The following HCN1 variants were observed in gnomAD, a reference collection of about 807,000 sequenced individuals.
The protein encoded by HCN1 is potassium/sodium hyperpolarization-activated cyclic nucleotide-gated channel 1.
HCN1 carries 13 observed loss-of-function variants against 78.9 expected under a neutral mutation model. The observed-to-expected ratio is 0.16, with a 90% CI of 0.11 to 0.26. The LOEUF (loss-of-function observed/expected upper bound fraction) is 0.26. Ranked by LOEUF, HCN1 falls within the 10% of genes least tolerant of loss-of-function variation. HCN1 has a pLI of 1.00. For missense variants in HCN1, 810 were observed against 1,154.3 expected (o/e 0.70, Z 4.32); for synonymous variants, 552 against 455.5 (o/e 1.21, Z -2.70).
chr5:45,505,316 A>T (rs934299234), intron 2 of HCN1, among the ~76,000 whole-genome samples: 48 of 152,194 alleles, frequency 3.2e-4, no homozygotes, highest in Non-Finnish European at 5.0e-4. Flanking sequence ...AGCTTTCTAC[A>T]TATGGCTAGC....
intron 4 of HCN1, among the ~76,000 whole-genome samples, chr5:45,384,420 CA>C (rs1188578851): frequency 6.6e-6 from 1 of 152,038 alleles, no homozygotes; most frequent in Admixed American, 6.6e-5. Context: ...TCATGAAAAT[CA>C]ATTTTCTAAA....
rs1263325318 is a variant in HCN1 at position 45,556,864 on chromosome 5, T to C, written c.849+88321A>G. Among the ~76,000 whole-genome samples the C allele has an allele frequency of 3.3e-5, 5 of 151,990 alleles. No homozygotes were observed. In the East Asian group the frequency reaches 9.7e-4, roughly 29 times the overall value. ...TATTCTCCTAGTGCAGTTCCCTCCC[T>C]GAATTGCCAACAGAAAGATGGAGTT... On this transcript the variant is annotated intron_variant, in intron 2 of 7. Coordinates refer to ENST00000303230, the MANE Select transcript of HCN1 (RefSeq NM_021072.4).
chr5:45,527,571 G>C (rs1272308311), intron 2 of HCN1, among the ~76,000 whole-genome samples: 1 of 142,230 alleles, frequency 7.0e-6, no homozygotes, highest in African/African-American at 2.6e-5. Flanking sequence ...CTCTCTCTCT[G>C]TCTCTCTCCC....
At chr5:45,336,081 A>T (rs759236622) in intron 5 of HCN1, among the ~76,000 whole-genome samples, 26 of 152,052 alleles carry the variant, frequency 1.7e-4, no homozygotes, top group Non-Finnish European at 2.9e-4. Flanking sequence ...ATTTCTCAGC[A>T]GCCAGGGGCA....
chr5:45,414,145 A>C (rs140583036), intron 3 of HCN1, among the ~76,000 whole-genome samples: 3 of 152,036 alleles, frequency 2.0e-5, no homozygotes, highest in Admixed American at 2.0e-4. Context: ...TGAAGGCATC[A>C]CAGGGACTCT....
intron 2 of HCN1, among the ~76,000 whole-genome samples, chr5:45,630,063 G>C (rs952583298): frequency 7.2e-5 from 11 of 152,126 alleles, no homozygotes; most frequent in African/African-American, 2.7e-4. Flanking sequence ...ACCTAAAAGA[G>C]TGTCTATCAG....
chr5:45,578,207 A>C (rs553961481), intron 2 of HCN1, among the ~76,000 whole-genome samples: 9 of 152,122 alleles, frequency 5.9e-5, no homozygotes, highest in African/African-American at 2.2e-4. Context: ...ATTGGGGTCT[A>C]ATGGAAGGCC....
At chr5:45,497,550 G>A (rs1742071357) in intron 2 of HCN1, among the ~76,000 whole-genome samples, 3 of 152,000 alleles carry the variant, frequency 2.0e-5, no homozygotes, top group Admixed American at 2.0e-4. Flanking sequence ...TTTTCCATTG[G>A]CTTGGTAGAC....
At chr5:45,645,975 T>C (rs964413320) in intron 1 of HCN1, among the ~76,000 whole-genome samples, 1 of 152,066 alleles carries the variant, frequency 6.6e-6, no homozygotes, top group Non-Finnish European at 1.5e-5. Flanking sequence ...AGAAGATCTG[T>C]AAGAAAGCCT....
intron 6 of HCN1, among the ~76,000 whole-genome samples, chr5:45,284,570 T>A (rs1427919209): frequency 6.6e-6 from 1 of 152,146 alleles, no homozygotes; most frequent in East Asian, 1.9e-4. Flanking sequence ...TCTAACTATG[T>A]CAATCCTCTT....
chr5:45,617,607 T>C (rs1269606312), intron 2 of HCN1, among the ~76,000 whole-genome samples: 1 of 152,146 alleles, frequency 6.6e-6, no homozygotes, highest in African/African-American at 2.4e-5. Flanking sequence ...AATGGTATGG[T>C]GAACTCTAGA....
chr5:45,536,426 T>C, intron 2 of HCN1, among the ~76,000 whole-genome samples: 1 of 152,228 alleles, frequency 6.6e-6, no homozygotes. Flanking sequence ...CTCAACTGAC[T>C]TTATTTCCTG....
chr5:45,421,157 G>A (rs897813030), intron 3 of HCN1, among the ~76,000 whole-genome samples: 20 of 151,924 alleles, frequency 1.3e-4, no homozygotes, highest in African/African-American at 4.4e-4. Flanking sequence ...CTGCCTCCTG[G>A]GTTCACACCA....
At chr5:45,585,751 C>G (rs750112770) in intron 2 of HCN1, among the ~76,000 whole-genome samples, 4 of 152,150 alleles carry the variant, frequency 2.6e-5, no homozygotes, top group Non-Finnish European at 5.9e-5. Flanking sequence ...ACAGTCGGGA[C>G]CCTCAGCTGC....
At chr5:45,490,589 A>T (rs1359896524) in intron 2 of HCN1, among the ~76,000 whole-genome samples, 1 of 152,030 alleles carries the variant, frequency 6.6e-6, no homozygotes, top group Non-Finnish European at 1.5e-5. Context: ...GTTCACACCT[A>T]CCACTTCTGC....
intron 1 of HCN1, among the ~76,000 whole-genome samples, chr5:45,663,712 C>G (rs1306434029): frequency 1.3e-5 from 2 of 152,022 alleles, no homozygotes; most frequent in Non-Finnish European, 2.9e-5. Flanking sequence ...AAAAAATGCT[C>G]ATCATCACTG....
intron 2 of HCN1, among the ~76,000 whole-genome samples, chr5:45,462,224 C>A (rs2111627947): frequency 6.6e-6 from 1 of 152,164 alleles, no homozygotes; most frequent in Non-Finnish European, 1.5e-5. Flanking sequence ...GTCTCATGAG[C>A]AACAGAGATA....
intron 3 of HCN1, 86 bp from the exon 4 acceptor site, chr5:45,396,796 T>C (rs1406448537): frequency 1.0e-6 from 1 of 973,618 alleles, no homozygotes; most frequent in Non-Finnish European, 1.7e-6. Context: ...AGAAGCATTA[T>C]AAAATACTGA....
intron 6 of HCN1, among the ~76,000 whole-genome samples, chr5:45,302,762 C>G (rs2111903350): frequency 6.6e-6 from 1 of 152,034 alleles, no homozygotes; most frequent in Non-Finnish European, 1.5e-5. Context: ...GTAATTGAAT[C>G]ATGGGGGCTG....
Sources: allele counts gnomAD v4.1 joint callset (sites outside exome capture counted in the v4.1 genomes callset), GRCh38; gene constraint gnomAD v4.1.1; transcripts MANE v1.5; gene names NCBI Gene and HGNC (gene_info 2026-07-23, HGNC 2026-07-21).